Variants in NECAB1 observed in about 807,000 individuals in gnomAD.
NECAB1 encodes the protein N-terminal EF-hand calcium-binding protein 1.
A neutral mutation model predicts 57.5 loss-of-function variants in NECAB1; 29 were observed. The ratio of observed to expected loss-of-function variants is 0.50; its 90% confidence interval spans 0.38 to 0.69. The LOEUF (loss-of-function observed/expected upper bound fraction) is 0.69. Ranked by LOEUF, NECAB1 falls within the 30% of genes least tolerant of loss-of-function variation. NECAB1 has a pLI of 0.00. For missense variants in NECAB1, 372 were observed against 413.8 expected, an observed-to-expected ratio of 0.90 and a Z score of 0.88; for synonymous variants, 142 against 147.7, an observed-to-expected ratio of 0.96 and a Z score of 0.28.
intron 5 of NECAB1, among the ~76,000 whole-genome samples, chr8:90,897,083 T>G (rs1364655941): frequency 6.8e-6 from 1 of 146,496 alleles, no homozygotes; most frequent in East Asian, 2.0e-4. Flanking sequence ...TTAAAAAAAA[T>G]AATTAAAAAA....
chr8:90,814,031 T>C (rs1359037291), intron 2 of NECAB1, among the ~76,000 whole-genome samples: 1 of 152,214 alleles, frequency 6.6e-6, no homozygotes, highest in East Asian at 1.9e-4. Context: ...TCTTTTTCTG[T>C]TCCAAGATCA....
At chr8:90,873,086 A>C (rs1398226572) in intron 4 of NECAB1, among the ~76,000 whole-genome samples, 7 of 152,226 alleles carry the variant, frequency 4.6e-5, no homozygotes, top group Non-Finnish European at 1.0e-4. Flanking sequence ...TACGAGAACA[A>C]AATATCAGAA....
intron 9 of NECAB1, 153 bp from the exon 10 acceptor site, chr8:90,940,633 G>C (rs1396078824): frequency 8.0e-6 from 5 of 623,188 alleles, no homozygotes; most frequent in Non-Finnish European, 1.4e-5. Flanking sequence ...CCTTTATACA[G>C]TTTTATACTT....
At chr8:90,869,251 A>G (rs766248967) in intron 3 of NECAB1, among the ~76,000 whole-genome samples, 45 of 152,204 alleles carry the variant, frequency 3.0e-4, no homozygotes, top group Non-Finnish European at 1.8e-4. Flanking sequence ...CCTCATGGAG[A>G]ATCTCTACTA....
chr8:90,883,016 G>A (rs556822505), intron 5 of NECAB1, among the ~76,000 whole-genome samples: 34 of 152,024 alleles, frequency 2.2e-4, no homozygotes, highest in Admixed American at 1.5e-3. Flanking sequence ...CCTCTAATAG[G>A]AAGAAAAAAA....
intron 3 of NECAB1, among the ~76,000 whole-genome samples, chr8:90,856,685 G>A (rs943795217): frequency 6.6e-6 from 1 of 152,128 alleles, no homozygotes; most frequent in African/African-American, 2.4e-5. Context: ...AAATTCCTTT[G>A]AAAACAAAAC....
intron 3 of NECAB1, among the ~76,000 whole-genome samples, chr8:90,831,427 A>G (rs1329373082): frequency 6.6e-6 from 1 of 152,106 alleles, no homozygotes; most frequent in Non-Finnish European, 1.5e-5. Flanking sequence ...TTACCCTCTC[A>G]TATTTTAGAG....
chr8:90,809,536 A>G (rs556908328), intron 2 of NECAB1, among the ~76,000 whole-genome samples: 1 of 152,328 alleles, frequency 6.6e-6, no homozygotes, highest in East Asian at 1.9e-4. Context: ...AGATTTGGTA[A>G]TTAATTGGAA....
At chr8:90,901,235 T>TAAAA (rs34105450) in intron 5 of NECAB1, among the ~76,000 whole-genome samples, 1 of 144,812 alleles carries the variant, frequency 6.9e-6, no homozygotes, top group Non-Finnish European at 1.5e-5. Flanking sequence ...GTCTCTCTGT[T>TAAAA]AAAAAAAAAA....
chr8:90,791,896 T>A lies in NECAB1; in HGVS notation c.10T>A (p.Ser4Thr). 6.4e-7 allele frequency: 1 copy of A among 1,551,222 alleles called. No individual in the cohort carries two copies. The highest frequency in any genetic ancestry group is 1.2e-5 in the South Asian group (1 of 84,050). The change falls in exon 1 of 13, where the codon TCC becomes ACC. Residue 4 changes from serine (S) to threonine (T), a missense_variant. Physicochemically the swap from Ser to Thr is moderately conservative, Grantham distance 58. Transcript: ENST00000417640. The part of the protein sequence containing the change: MED[S>T]QETSPSSNNS... ...GTCAGGGCTCCCGAGGATGGAAGAT[T>A]CCCAGGAGACATCGCCGTCCTCCAA...
intron 5 of NECAB1, among the ~76,000 whole-genome samples, chr8:90,911,710 C>A (rs1362611045): frequency 1.3e-5 from 2 of 152,168 alleles, no homozygotes; most frequent in Admixed American, 1.3e-4. Flanking sequence ...GTGCCAAACA[C>A]TAGCTACATA....
intron 1 of NECAB1, 26 bp downstream of exon 1, chr8:90,792,011 C>T: frequency 1.3e-6 from 2 of 1,534,092 alleles, no homozygotes; most frequent in Non-Finnish European, 1.8e-6. Context: ...GGGAGCTGGG[C>T]GGTTGCTTCC....
At chr8:90,882,982 T>C (rs1326496157) in intron 5 of NECAB1, among the ~76,000 whole-genome samples, 2 of 152,276 alleles carry the variant, frequency 1.3e-5, no homozygotes, top group Admixed American at 1.3e-4. Context: ...TGCTCCTAAG[T>C]TAATTTAAGA....
chr8:90,942,408 T>C (rs1810692688), intron 10 of NECAB1, among the ~76,000 whole-genome samples: 1 of 152,218 alleles, frequency 6.6e-6, no homozygotes, highest in Non-Finnish European at 1.5e-5. Flanking sequence ...AGTAGTGCCT[T>C]TGAAACAAGA....
intron 3 of NECAB1, among the ~76,000 whole-genome samples, chr8:90,848,633 G>A (rs951430771): frequency 1.3e-5 from 2 of 152,186 alleles, no homozygotes; most frequent in African/African-American, 2.4e-5. Context: ...GAGGAGCAAA[G>A]GCACTTCTTA....
intron 5 of NECAB1, among the ~76,000 whole-genome samples, chr8:90,890,077 C>T (rs1267972387): frequency 6.6e-6 from 1 of 152,186 alleles, no homozygotes; most frequent in Non-Finnish European, 1.5e-5. Context: ...GAAACTCTGA[C>T]ATACATGCCT....
chr8:90,925,137 G>C (rs1363922172), intron 6 of NECAB1, among the ~76,000 whole-genome samples: 2 of 151,952 alleles, frequency 1.3e-5, no homozygotes, highest in African/African-American at 2.4e-5. Flanking sequence ...AGAATCATTT[G>C]ACTCCTAAAA....
At chr8:90,870,460 A>T (rs1444574509) in intron 3 of NECAB1, among the ~76,000 whole-genome samples, 1 of 152,204 alleles carries the variant, frequency 6.6e-6, no homozygotes, top group Non-Finnish European at 1.5e-5. Flanking sequence ...TGTTCTAACT[A>T]AAAAAACTAC....
Position 90,933,617 on chromosome 8 carries a change from C to A in NECAB1, c.694-687C>A, listed in dbSNP as rs150011405. ...AGATGAGGGATAAAAGACTACAAAT[C>A]GGGTTCAGTGTATACTGTTCAGGTG... On this transcript the variant is annotated intron_variant, in intron 8 of 12. Coordinates refer to ENST00000417640, the MANE Select transcript of NECAB1 (RefSeq NM_022351.5). 1.1e-3 allele frequency among the ~76,000 whole-genome samples: 172 copies of A among 152,090 alleles called. No homozygotes were observed. The East Asian group carries it at 0.012, about 11-fold the overall frequency.
Sources: allele counts gnomAD v4.1 joint callset (sites outside exome capture counted in the v4.1 genomes callset), GRCh38; gene constraint gnomAD v4.1.1; transcripts MANE v1.5; gene names NCBI Gene and HGNC (gene_info 2026-07-23, HGNC 2026-07-21).